CDH4: variants seen among roughly 807,000 people sequenced by gnomAD.
CDH4 encodes the protein cadherin 4.
A neutral mutation model predicts 86.0 loss-of-function variants in CDH4; 33 were observed. The ratio of observed to expected loss-of-function variants is 0.38; its 90% CI spans 0.29 to 0.51. The LOEUF is 0.51. Ranked by LOEUF, CDH4 falls within the 20% of genes least tolerant of loss-of-function variation. CDH4 has a pLI of 0.86. For synonymous variants in CDH4, 555 were observed against 549.4 expected, an observed-to-expected ratio of 1.01 and a Z score of -0.14; for missense variants, 1,114 against 1,307.4, an observed-to-expected ratio of 0.85 and a Z score of 2.28.
At chr20:61,691,159 A>G (rs1021068928) in intron 2 of CDH4, among the ~76,000 whole-genome samples, 14 of 152,018 alleles carry the variant, frequency 9.2e-5, no homozygotes, top group Non-Finnish European at 1.5e-5. Flanking sequence ...TTTGGTCTCC[A>G]GAAGCCCCTT....
intron 2 of CDH4, among the ~76,000 whole-genome samples, chr20:61,741,431 T>G (rs1340438534): frequency 1.3e-5 from 2 of 152,140 alleles, no homozygotes; most frequent in African/African-American, 2.4e-5. Flanking sequence ...CAGACGTTGG[T>G]GGCCCATTCG....
chr20:61,756,023 C>T (rs1423049641), intron 3 of CDH4, among the ~76,000 whole-genome samples: 1 of 152,248 alleles, frequency 6.6e-6, no homozygotes, highest in African/African-American at 2.4e-5. Context: ...GCCCCCCATG[C>T]TCACGTTCCC....
At chr20:61,665,238 G>C (rs1669805574) in intron 2 of CDH4, among the ~76,000 whole-genome samples, 1 of 152,216 alleles carries the variant, frequency 6.6e-6, no homozygotes, top group Admixed American at 6.5e-5. Flanking sequence ...GGTGGGCTGG[G>C]GGCGGCCTTG....
chr20:61,453,462 T>C (rs1230968334), intron 2 of CDH4, among the ~76,000 whole-genome samples: 1 of 152,120 alleles, frequency 6.6e-6, no homozygotes. Context: ...TCCAGTGTCC[T>C]GTCTCTCATG....
At chr20:61,742,796 G>T (rs1269662499) in intron 2 of CDH4, among the ~76,000 whole-genome samples, 2 of 152,196 alleles carry the variant, frequency 1.3e-5, no homozygotes, top group African/African-American at 2.4e-5. Context: ...CCATGATGCT[G>T]GAGCCGTGAA....
chr20:61,361,740 C>T (rs947692491), intron 2 of CDH4, among the ~76,000 whole-genome samples: 3 of 152,184 alleles, frequency 2.0e-5, no homozygotes, highest in Non-Finnish European at 2.9e-5. Flanking sequence ...AGGCATGAAG[C>T]CAGGGCAATG....
chr20:61,523,247 G>A (rs907989946), intron 2 of CDH4, among the ~76,000 whole-genome samples: 46 of 152,200 alleles, frequency 3.0e-4, no homozygotes, highest in African/African-American at 1.1e-3. Context: ...CTCATCTCAG[G>A]CCACGGCCTA....
intron 2 of CDH4, among the ~76,000 whole-genome samples, chr20:61,579,934 C>T (rs891185552): frequency 6.8e-6 from 1 of 148,114 alleles, no homozygotes; most frequent in African/African-American, 2.6e-5. Flanking sequence ...AAATTGCATA[C>T]ACTTTCTGAA....
chr20:61,819,371 G>A (rs952624517), intron 4 of CDH4, among the ~76,000 whole-genome samples: 13 of 152,152 alleles, frequency 8.5e-5, no homozygotes, highest in Non-Finnish European at 1.8e-4. Flanking sequence ...ATGAGCACGC[G>A]TCGCTCGCTC....
intron 7 of CDH4, among the ~76,000 whole-genome samples, chr20:61,887,890 G>T (rs543212393): frequency 6.6e-6 from 1 of 152,214 alleles, no homozygotes; most frequent in Admixed American, 6.5e-5. Context: ...ACCCTACGCT[G>T]CAGGATGGGT....
At chr20:61,802,789 C>T (rs573171932) in intron 4 of CDH4, among the ~76,000 whole-genome samples, 11 of 152,310 alleles carry the variant, frequency 7.2e-5, no homozygotes, top group East Asian at 5.8e-4. Context: ...CTGGAGGAAC[C>T]GGGCCTTCCC....
At chr20:61,506,303 TAGCTC>T (rs1418423432) in intron 2 of CDH4, among the ~76,000 whole-genome samples, 23 of 152,356 alleles carry the variant, frequency 1.5e-4, no homozygotes, top group African/African-American at 5.3e-4. Context: ...GTTACAGTAA[TAGCTC>T]AGCCTTAAAC....
intron 4 of CDH4, among the ~76,000 whole-genome samples, chr20:61,818,800 C>T (rs955852911): frequency 4.6e-5 from 7 of 151,896 alleles, no homozygotes; most frequent in African/African-American, 1.7e-4. Flanking sequence ...CGGAAAGGAG[C>T]AGGTGGGCTT....
At chr20:61,574,418 AAGGCAC>A (rs2086367326) in intron 2 of CDH4, among the ~76,000 whole-genome samples, 1 of 152,178 alleles carries the variant, frequency 6.6e-6, no homozygotes, top group Non-Finnish European at 1.5e-5. Flanking sequence ...GAGGGGAGAG[AAGGCAC>A]AGCCTTTAAA....
intron 2 of CDH4, among the ~76,000 whole-genome samples, chr20:61,695,578 G>A: frequency 6.6e-6 from 1 of 152,178 alleles, no homozygotes; most frequent in Non-Finnish European, 1.5e-5. Flanking sequence ...ATCAGCTCGG[G>A]ACCTTGTGAG....
intron 4 of CDH4, among the ~76,000 whole-genome samples, chr20:61,827,958 G>A (rs1353135833): frequency 6.6e-6 from 1 of 152,122 alleles, no homozygotes; most frequent in African/African-American, 2.4e-5. Context: ...TCACCCTTGA[G>A]GAAGCTAAGT....
chr20:61,287,231 GCA>G (rs935521098), intron 2 of CDH4, among the ~76,000 whole-genome samples: 14 of 152,136 alleles, frequency 9.2e-5, no homozygotes, highest in African/African-American at 3.4e-4. Context: ...TACTCTCAGT[GCA>G]CACTACATCT....
intron 2 of CDH4, among the ~76,000 whole-genome samples, chr20:61,733,712 A>G (rs1227046198): frequency 6.6e-6 from 1 of 152,084 alleles, no homozygotes. Flanking sequence ...AAAGAATGAA[A>G]GAAAGAAAGA....
At chr20:61,762,364 T>A (rs2088644526) in intron 3 of CDH4, among the ~76,000 whole-genome samples, 1 of 152,230 alleles carries the variant, frequency 6.6e-6, no homozygotes, top group Non-Finnish European at 1.5e-5. Context: ...GATGATTAAC[T>A]TTCTCATTCA....
Sources: gnomAD v4.1 joint callset for allele counts (sites outside exome capture counted in the v4.1 genomes callset) on GRCh38, gnomAD v4.1.1 for gene constraint, MANE v1.5 for transcripts, NCBI Gene and HGNC (gene_info 2026-07-23, HGNC 2026-07-21) for gene names.